CAMKMT: variants seen among roughly 807,000 people sequenced by gnomAD.
CAMKMT encodes the protein CaM KMT.
In CAMKMT, 53 loss-of-function variants were observed where a neutral mutation model predicts 48.0. The ratio of observed to expected loss-of-function variants is 1.10; its 90% CI spans 0.89 to 1.39. CAMKMT has a LOEUF of 1.39. CAMKMT is among the 40% of genes most tolerant of loss of function. The pLI is 0.00. For synonymous variants in CAMKMT, 165 were observed against 152.3 expected (o/e 1.08, Z -0.61); for missense variants, 428 against 402.7 (o/e 1.06, Z -0.54).
At chr2:44,755,872 C>G (rs1391687010) in intron 9 of CAMKMT, among the ~76,000 whole-genome samples, 8 of 152,150 alleles carry the variant, frequency 5.3e-5, no homozygotes, top group Non-Finnish European at 1.2e-4. Context: ...GCACTTACTC[C>G]TGCTATGAGA....
At chr2:44,714,879 C>G (rs897148884) in intron 6 of CAMKMT, among the ~76,000 whole-genome samples, 1 of 152,136 alleles carries the variant, frequency 6.6e-6, no homozygotes, top group African/African-American at 2.4e-5. Flanking sequence ...CTTCTCCTTT[C>G]GCTGTGCTCA....
intron 7 of CAMKMT, among the ~76,000 whole-genome samples, chr2:44,719,236 T>C (rs953595707): frequency 9.2e-5 from 14 of 152,142 alleles, no homozygotes; most frequent in Admixed American, 2.0e-4. Flanking sequence ...CTAGGATGGC[T>C]CCACTGCCAT....
At chr2:44,678,056 A>G (rs947562881) in intron 3 of CAMKMT, among the ~76,000 whole-genome samples, 4 of 152,200 alleles carry the variant, frequency 2.6e-5, no homozygotes, top group Non-Finnish European at 4.4e-5. Flanking sequence ...CAATAAGAAA[A>G]AAAAAAGGAA....
At chr2:44,437,503 G>T (rs1022136961) in intron 3 of CAMKMT, among the ~76,000 whole-genome samples, 2 of 141,382 alleles carry the variant, frequency 1.4e-5, no homozygotes, top group Admixed American at 1.4e-4. Context: ...ATGTTTTTCT[G>T]ATTTCTTTGT....
intron 3 of CAMKMT, among the ~76,000 whole-genome samples, chr2:44,563,124 C>G (rs1267383933): frequency 2.1e-5 from 3 of 146,340 alleles, no homozygotes; most frequent in African/African-American, 7.3e-5. Context: ...ACAAGGTTTA[C>G]TTTTATTGAA....
chr2:44,655,027 T>C (rs763001324), intron 3 of CAMKMT, among the ~76,000 whole-genome samples: 29 of 152,216 alleles, frequency 1.9e-4, no homozygotes, highest in Non-Finnish European at 3.8e-4. Context: ...CTTATTTATA[T>C]ATCTTGACTC....
chr2:44,513,712 T>A (rs1468366637), intron 3 of CAMKMT, among the ~76,000 whole-genome samples: 7 of 152,196 alleles, frequency 4.6e-5, no homozygotes, highest in South Asian at 2.1e-4. Context: ...TCAATCACTA[T>A]GGATGTTGAC....
intron 7 of CAMKMT, among the ~76,000 whole-genome samples, chr2:44,728,702 A>G (rs1678920382): frequency 6.6e-6 from 1 of 152,166 alleles, no homozygotes; most frequent in Non-Finnish European, 1.5e-5. Context: ...TTGTATGCAT[A>G]GAGTTGTTCA....
intron 1 of CAMKMT, among the ~76,000 whole-genome samples, chr2:44,371,685 C>T (rs913107594): frequency 6.6e-6 from 1 of 152,062 alleles, no homozygotes; most frequent in African/African-American, 2.4e-5. Flanking sequence ...CTCACTTCTC[C>T]CATTGCCCCA....
At chr2:44,732,663 A>G (rs189578086) in intron 7 of CAMKMT, among the ~76,000 whole-genome samples, 1 of 152,284 alleles carries the variant, frequency 6.6e-6, no homozygotes, top group East Asian at 1.9e-4. Context: ...TTCCCTAGGG[A>G]CTAATGATGT....
intron 3 of CAMKMT, among the ~76,000 whole-genome samples, chr2:44,560,144 T>A (rs1295511129): frequency 2.0e-5 from 3 of 152,200 alleles, no homozygotes; most frequent in African/African-American, 7.2e-5. Flanking sequence ...CACAACACAC[T>A]GGGAGTTTCT....
At chr2:44,645,725 G>C (rs918503836) in intron 3 of CAMKMT, among the ~76,000 whole-genome samples, 1 of 152,132 alleles carries the variant, frequency 6.6e-6, no homozygotes, top group African/African-American at 2.4e-5. Flanking sequence ...GGAGGCTGAG[G>C]CAGGAGAATC....
intron 3 of CAMKMT, among the ~76,000 whole-genome samples, chr2:44,486,775 C>T (rs1473373632): frequency 1.3e-5 from 2 of 152,204 alleles, no homozygotes; most frequent in Non-Finnish European, 2.9e-5. Context: ...CCCACAAATC[C>T]TTGGTGTACC....
chr2:44,724,249 T>C (rs1258626855), intron 7 of CAMKMT, among the ~76,000 whole-genome samples: 1 of 152,172 alleles, frequency 6.6e-6, no homozygotes, highest in East Asian at 1.9e-4. Flanking sequence ...GCCACAGTAC[T>C]CCAGCCTGGG....
At chr2:44,523,871 C>G (rs549211928) in intron 3 of CAMKMT, among the ~76,000 whole-genome samples, 2 of 148,096 alleles carry the variant, frequency 1.4e-5, no homozygotes, top group Non-Finnish European at 3.0e-5. Context: ...TTTGCCTCCC[C>G]GGTTCAAGTG....
At chr2:44,554,773 G>A (rs1667917768) in intron 3 of CAMKMT, among the ~76,000 whole-genome samples, 1 of 152,144 alleles carries the variant, frequency 6.6e-6, no homozygotes, top group Non-Finnish European at 1.5e-5. Context: ...CTATTTGGGA[G>A]GCTGAGGTGG....
intron 3 of CAMKMT, among the ~76,000 whole-genome samples, chr2:44,395,591 G>A (rs901949928): frequency 1.3e-5 from 2 of 152,148 alleles, no homozygotes; most frequent in Non-Finnish European, 2.9e-5. Flanking sequence ...AGCTCTGCGG[G>A]TTATTAGCTG....
chr2:44,531,617 C>T (rs186431692), intron 3 of CAMKMT, among the ~76,000 whole-genome samples: 152 of 152,180 alleles, frequency 1.0e-3, no homozygotes, highest in Admixed American at 4.5e-3. Context: ...ATAGGGCTTT[C>T]CACTTTATGA....
At chr2:44,517,907 C>T (rs1266718595) in intron 3 of CAMKMT, among the ~76,000 whole-genome samples, 1 of 152,134 alleles carries the variant, frequency 6.6e-6, no homozygotes, top group Non-Finnish European at 1.5e-5. Flanking sequence ...TGATGTTTTA[C>T]ACTGTGATTT....
Sources: gnomAD v4.1 joint callset for allele counts (sites outside exome capture counted in the v4.1 genomes callset) on GRCh38, gnomAD v4.1.1 for gene constraint, MANE v1.5 for transcripts, NCBI Gene and HGNC (gene_info 2026-07-23, HGNC 2026-07-21) for gene names.